Variants in ACTL6A observed in about 807,000 individuals in gnomAD.
ACTL6A encodes actin-like protein 6A.
ACTL6A carries 5 observed loss-of-function variants against 59.2 expected under a neutral mutation model. The ratio of observed to expected loss-of-function variants is 0.08; its 90% CI spans 0.04 to 0.18. The LOEUF is 0.18. Among genes scored for constraint, ACTL6A ranks in the 10% least tolerant of loss-of-function variants. The probability of loss-of-function intolerance (pLI) is 1.00; values close to 1 mark genes in which losing one functional copy is unlikely to be tolerated. For synonymous variants in ACTL6A, 154 were observed against 171.8 expected (o/e 0.90, Z 0.81); for missense variants, 285 against 526.9 (o/e 0.54, Z 4.49).
chr3:179,587,566 G>A (rs1158634988), intron 13 of ACTL6A, among the ~76,000 whole-genome samples: 1 of 151,972 alleles, frequency 6.6e-6, no homozygotes, highest in East Asian at 1.9e-4. Context: ...AAGTTTAGGA[G>A]TTACGAAAAT....
At chr3:179,573,551 TGA>T in intron 4 of ACTL6A, 82 bp downstream of exon 4, 1 of 949,970 alleles carries the variant, frequency 1.1e-6, no homozygotes, top group African/African-American at 1.8e-5. Context: ...TCTACTCATT[TGA>T]TGAACATTTT....
chr3:179,573,568 TAA>T, intron 4 of ACTL6A, 99 bp downstream of exon 4: 1 of 767,618 alleles, frequency 1.3e-6, no homozygotes, highest in Non-Finnish European at 2.0e-6. Flanking sequence ...CATTTTTCTT[TAA>T]AGAGGCATAG....
chr3:179,573,971 C>T (rs1718092283), intron 4 of ACTL6A, among the ~76,000 whole-genome samples: 2 of 152,164 alleles, frequency 1.3e-5, no homozygotes, highest in Admixed American at 1.3e-4. Context: ...TTGTTACTAA[C>T]TTACAGTATT....
chr3:179,581,428 C>T (rs368247201), intron 11 of ACTL6A, among the ~76,000 whole-genome samples: 160 of 152,192 alleles, frequency 1.1e-3, no homozygotes, highest in African/African-American at 3.6e-3. Flanking sequence ...TGTAGCTACC[C>T]GCCACATGTG....
intron 1 of ACTL6A, among the ~76,000 whole-genome samples, chr3:179,567,659 T>C (rs1035329327): frequency 4.6e-5 from 7 of 152,206 alleles, no homozygotes; most frequent in African/African-American, 1.4e-4. Flanking sequence ...GTATTAAATT[T>C]TACCAACTCA....
In ACTL6A at chr3:179,580,720, A is replaced by G. The variant is rs1276980251; in HGVS notation, c.830+19A>G. The stretch of plus-strand genomic sequence containing the variant: ...ATGAACAGTATGTTTTCTTATTAAA[A>G]TGTATACTTTATAAATGAGGAAAGG... On this transcript the variant is annotated intron_variant, in intron 9 of 13. Transcript: ENST00000429709. The G allele has an allele frequency of 1.3e-6, 2 of 1,546,300 alleles. No homozygotes were observed. Among genetic ancestry groups the G allele is most frequent in the South Asian group, 2.4e-5 (2 of 84,908 alleles).
intron 1 of ACTL6A, among the ~76,000 whole-genome samples, chr3:179,564,815 G>A (rs969530885): frequency 1.3e-5 from 2 of 151,780 alleles, no homozygotes; most frequent in African/African-American, 2.4e-5. Context: ...TAGGTAAATA[G>A]ACACCGTATT....
intron 8 of ACTL6A, among the ~76,000 whole-genome samples, chr3:179,578,689 T>C (rs1718243299): frequency 6.6e-6 from 1 of 152,218 alleles, no homozygotes; most frequent in Non-Finnish European, 1.5e-5. Flanking sequence ...CTTTCAACAA[T>C]GGTTGAACTA....
Position 179,562,944 on chromosome 3 carries a change from G to A in ACTL6A, c.-149G>A. The A allele has an allele frequency of 1.0e-6, 1 of 975,384 alleles. No homozygotes were observed. The allele number at this position is 975,384 out of a possible 1,614,324, so 60.4% of individuals were successfully genotyped here. On this transcript the variant is annotated 5_prime_UTR_variant, in exon 1 of 14. Transcript: ENST00000429709. ...AGCCAGCAAGTGTGGCTGAGCTCCG[G>A]GGTGTGTGGACGCCGCTTTGTTGCC...
At position 179,576,386 on chromosome 3, in the gene ACTL6A, G is replaced by T. The variant is rs929763582; in HGVS notation, c.571+75G>T. 5 of 1,141,532 alleles carry T rather than the reference G, an allele frequency of 4.4e-6. No homozygotes were observed. The African/African-American group carries it at 6.2e-5, about 14-fold the overall frequency. The allele number at this position is 1,141,532 out of a possible 1,614,324, so 70.7% of individuals were successfully genotyped here. On this transcript the variant is annotated intron_variant, in intron 6 of 13. Transcript: ENST00000429709. Reference sequence around the variant, plus strand: ...GATGCACATAATGAAATAAAATGATGAGTAGCACTATTAAAGCATATCAGT... The same window carrying T: ...GATGCACATAATGAAATAAAATGATTAGTAGCACTATTAAAGCATATCAGT...
At chr3:179,572,823 G>C (rs1276463756) in intron 3 of ACTL6A, among the ~76,000 whole-genome samples, 1 of 151,944 alleles carries the variant, frequency 6.6e-6, no homozygotes, top group Admixed American at 6.6e-5. Context: ...GAAAAAAGAA[G>C]GTCATTAGTG....
chr3:179,573,464 G>A lies in ACTL6A; in HGVS notation c.373G>A (p.Ala125Thr). 6.5e-7 allele frequency: 1 copy of A among 1,542,004 alleles called. No homozygotes were observed. Among genetic ancestry groups the A allele is most frequent in the South Asian group, 1.3e-5 (1 of 75,802 alleles). Residue 125 changes from alanine (A) to threonine (T), a missense_variant, in exon 4 of 14, where the codon GCA becomes ACA. Physicochemically the swap from Ala to Thr is moderately conservative, Grantham distance 58 (BLOSUM62 0). Coordinates refer to ENST00000429709, the MANE Select transcript of ACTL6A (RefSeq NM_004301.5). ...ASLHPVLMSE[A>T]PWNTRAKREK... Reference sequence around the variant, plus strand: ...TCTCCATCCTGTTCTCATGTCAGAGGCACCGGTGAGATAAAGATTTTCTTT... The same window carrying A: ...TCTCCATCCTGTTCTCATGTCAGAGACACCGGTGAGATAAAGATTTTCTTT...
At position 179,579,253 on chromosome 3, in the gene ACTL6A, T is replaced by C. The variant is rs1718260260; in HGVS notation, c.769-1387T>C. Among the ~76,000 whole-genome samples, 2 of 152,152 alleles carry C rather than the reference T, an allele frequency of 1.3e-5. 1 individual carries two copies. The highest frequency in any genetic ancestry group is 1.3e-4 in the Admixed American group (2 of 15,268). ...GGCTTTTTGTTGTTGTTGTTCCTTA[T>C]AGAAGCTAGGTATTAGACCTTTGTT... On this transcript the variant is annotated intron_variant, in intron 8 of 13. Coordinates refer to ENST00000429709, the MANE Select transcript of ACTL6A (RefSeq NM_004301.5).
chr3:179,583,698 C>A (rs2108369909), intron 12 of ACTL6A: 1 of 298,734 alleles, frequency 3.3e-6, no homozygotes, highest in Non-Finnish European at 6.3e-6. Flanking sequence ...TCCCTGCACA[C>A]CAAGGGCTCA....
At chr3:179,575,891 A>C (rs1431975149) in intron 5 of ACTL6A, among the ~76,000 whole-genome samples, 1 of 152,144 alleles carries the variant, frequency 6.6e-6, no homozygotes, top group Non-Finnish European at 1.5e-5. Context: ...AATGCATCTC[A>C]GTTTGTTGTA....
At chr3:179,578,601 G>A (rs1207276684) in intron 8 of ACTL6A, among the ~76,000 whole-genome samples, 1 of 152,020 alleles carries the variant, frequency 6.6e-6, no homozygotes, top group African/African-American at 2.4e-5. Context: ...CCTGGGTAAC[G>A]AGTGAGAACC....
intron 1 of ACTL6A, among the ~76,000 whole-genome samples, chr3:179,565,511 CATAT>C (rs1165628196): frequency 6.8e-6 from 1 of 146,054 alleles, no homozygotes; most frequent in Non-Finnish European, 1.5e-5. Flanking sequence ...CCTATATATA[CATAT>C]ATATAGTGCA....
chr3:179,574,403 G>C lies in ACTL6A; in HGVS notation c.412G>C (p.Glu138Gln). 1 of 1,613,222 alleles carries C rather than the reference G, an allele frequency of 6.2e-7. No homozygotes were observed. Among genetic ancestry groups the C allele is most frequent in the Non-Finnish European group, 8.5e-7 (1 of 1,179,394 alleles). The change falls in exon 5 of 14, where the codon GAG becomes CAG. Residue 138 changes from glutamate to glutamine, a missense_variant. Coordinates refer to ENST00000429709, the MANE Select transcript of ACTL6A (RefSeq NM_004301.5). ...TAGAGCAAAGAGAGAGAAACTGACA[G>C]AGTTAATGTTTGAACACTACAACAT... ...NTRAKREKLT[E>Q]LMFEHYNIPA...
intron 3 of ACTL6A, among the ~76,000 whole-genome samples, chr3:179,571,432 CA>C (rs76112974): frequency 0.24 from 14,435 of 59,450 alleles, 747 homozygotes; most frequent in South Asian, 0.4. Flanking sequence ...AAAAAAAAAA[CA>C]AAAAAAAAAA....
Sources: allele counts gnomAD v4.1 joint callset (sites outside exome capture counted in the v4.1 genomes callset), GRCh38; gene constraint gnomAD v4.1.1; transcripts MANE v1.5; gene names NCBI Gene and HGNC (gene_info 2026-07-23, HGNC 2026-07-21).